The following ARHGEF38 variants were observed in gnomAD, a reference collection of about 807,000 sequenced individuals.
The protein encoded by ARHGEF38 is Rho guanine nucleotide exchange factor 38, also known as Rho guanine nucleotide exchange factor (GEF) 38.
Under a neutral mutation model 79.9 loss-of-function variants are expected in ARHGEF38, and 79 were observed. The ratio of observed to expected loss-of-function variants is 0.99; its 90% confidence interval spans 0.82 to 1.19. The LOEUF is 1.19. Ranked by LOEUF, ARHGEF38 falls within the 50% of genes most tolerant of loss-of-function variation. The pLI is 0.00. For missense variants in ARHGEF38, 962 were observed against 907.2 expected, an observed-to-expected ratio of 1.06 and a Z score of -0.78; for synonymous variants, 366 against 328.3, an observed-to-expected ratio of 1.11 and a Z score of -1.24.
chr4:105,598,482 C>A (rs1453380648), intron 2 of ARHGEF38, among the ~76,000 whole-genome samples: 1 of 152,140 alleles, frequency 6.6e-6, no homozygotes, highest in African/African-American at 2.4e-5. Flanking sequence ...AATATACCTG[C>A]CTTTCTCATT....
intron 1 of ARHGEF38, chr4:105,561,504 A>AGAATG (rs1725611592): frequency 9.0e-6 from 1 of 111,300 alleles, no homozygotes; most frequent in Admixed American, 9.1e-5. Context: ...AGAATAGAAT[A>AGAATG]GAATAGAATA....
intron 13 of ARHGEF38, among the ~76,000 whole-genome samples, chr4:105,672,665 G>T (rs1730993927): frequency 1.3e-5 from 2 of 152,172 alleles, no homozygotes; most frequent in Admixed American, 6.5e-5. Flanking sequence ...AGGGGCTGTT[G>T]TCAGGAGTCC....
intron 2 of ARHGEF38, among the ~76,000 whole-genome samples, chr4:105,595,394 C>A (rs1197476883): frequency 1.3e-5 from 2 of 151,868 alleles, no homozygotes; most frequent in Non-Finnish European, 2.9e-5. Context: ...TTTGTATTGA[C>A]AGGAATTCAG....
chr4:105,576,534 C>G (rs985719050), intron 1 of ARHGEF38, among the ~76,000 whole-genome samples: 2 of 151,828 alleles, frequency 1.3e-5, no homozygotes, highest in East Asian at 1.9e-4. Flanking sequence ...TAACCTGAGA[C>G]TTTACTGAAT....
chr4:105,599,558 T>A (rs1016477115), intron 2 of ARHGEF38, among the ~76,000 whole-genome samples: 1 of 152,162 alleles, frequency 6.6e-6, no homozygotes, highest in East Asian at 1.9e-4. Context: ...TTTTTGTGCA[T>A]GTGTAGAATA....
chr4:105,586,389 A>C (rs1727050674), intron 1 of ARHGEF38, among the ~76,000 whole-genome samples: 2 of 151,966 alleles, frequency 1.3e-5, no homozygotes, highest in Non-Finnish European at 2.9e-5. Context: ...CACCTGAGGG[A>C]GAAGTTGAGT....
At chr4:105,639,961 T>C (rs531014043) in intron 5 of ARHGEF38, among the ~76,000 whole-genome samples, 2 of 152,174 alleles carry the variant, frequency 1.3e-5, no homozygotes, top group South Asian at 4.1e-4. Flanking sequence ...TCCCCTCTTC[T>C]CCTGCCAGCC....
At chr4:105,658,932 A>G (rs1436163063) in intron 9 of ARHGEF38, 122 bp from the exon 10 acceptor site, 4 of 778,868 alleles carry the variant, frequency 5.1e-6, no homozygotes, top group Non-Finnish European at 8.0e-6. Flanking sequence ...TAATCTGGGT[A>G]GGTGCTTTCC....
intron 2 of ARHGEF38, among the ~76,000 whole-genome samples, chr4:105,593,085 C>T (rs975573963): frequency 2.6e-5 from 4 of 151,966 alleles, no homozygotes; most frequent in Non-Finnish European, 5.9e-5. Context: ...TTGTTTTCCT[C>T]GATCCTAAAG....
Position 105,618,027 on chromosome 4 carries a change from A to G in ARHGEF38, c.508+4520A>G, listed in dbSNP as rs891153702. 6.6e-5 allele frequency among the ~76,000 whole-genome samples: 10 copies of G among 152,284 alleles called. No individual in the cohort carries two copies. The East Asian group carries it at 1.9e-3, about 29-fold the overall frequency. On this transcript the variant is annotated intron_variant, in intron 3 of 13. Transcript: ENST00000420470. Reference sequence around the variant, plus strand: ...TTATTTTGAAAAAAAGAGAGAGAGAATGAAAGAAAACAATTCAAATGGAAG... The same window carrying G: ...TTATTTTGAAAAAAAGAGAGAGAGAGTGAAAGAAAACAATTCAAATGGAAG...
intron 1 of ARHGEF38, among the ~76,000 whole-genome samples, chr4:105,565,211 G>A (rs1472623477): frequency 1.3e-5 from 2 of 152,140 alleles, no homozygotes; most frequent in African/African-American, 2.4e-5. Context: ...CCCAGTATTT[G>A]AGCTTTCAAA....
chr4:105,571,757 T>C (rs1219133498), intron 1 of ARHGEF38, among the ~76,000 whole-genome samples: 2 of 152,206 alleles, frequency 1.3e-5, no homozygotes, highest in African/African-American at 4.8e-5. Context: ...CCTTTTCGAA[T>C]TGGCAGATGA....
chr4:105,676,424 TC>T (rs144606538), intron 13 of ARHGEF38, among the ~76,000 whole-genome samples: 7,168 of 152,342 alleles, frequency 0.047, 230 homozygotes, highest in Non-Finnish European at 0.073. Flanking sequence ...ACTGGCATTT[TC>T]TTTTCCTAGC....
chr4:105,645,039 C>G, intron 5 of ARHGEF38, 149 bp from the exon 6 acceptor site: 1 of 660,120 alleles, frequency 1.5e-6, no homozygotes, highest in Non-Finnish European at 2.3e-6. Flanking sequence ...TTTCTGTCGT[C>G]TTTTGCTCTT....
chr4:105,620,614 AT>A (rs1728700036), intron 3 of ARHGEF38, among the ~76,000 whole-genome samples: 1 of 152,170 alleles, frequency 6.6e-6, no homozygotes, highest in Non-Finnish European at 1.5e-5. Context: ...AACAAGTCAG[AT>A]TTGCTGGATG....
At chr4:105,572,249 T>C (rs1726275162) in intron 1 of ARHGEF38, among the ~76,000 whole-genome samples, 1 of 152,212 alleles carries the variant, frequency 6.6e-6, no homozygotes, top group Non-Finnish European at 1.5e-5. Flanking sequence ...TTCTTTTTTT[T>C]CCAATGACTA....
chr4:105,588,027 T>G (rs1422739910), intron 1 of ARHGEF38, among the ~76,000 whole-genome samples: 1 of 152,150 alleles, frequency 6.6e-6, no homozygotes, highest in East Asian at 1.9e-4. Flanking sequence ...GAGAGAGAGC[T>G]CATTACTTTT....
chr4:105,572,029 T>C (rs1273950792), intron 1 of ARHGEF38, among the ~76,000 whole-genome samples: 1 of 152,232 alleles, frequency 6.6e-6, no homozygotes, highest in East Asian at 1.9e-4. Context: ...ATCAGTATAA[T>C]GTTTGGAACA....
intron 13 of ARHGEF38, among the ~76,000 whole-genome samples, chr4:105,676,081 C>A (rs1390544492): frequency 6.6e-6 from 1 of 152,186 alleles, no homozygotes; most frequent in East Asian, 1.9e-4. Context: ...AGTTAAATAA[C>A]AGTTTAATAT....
Sources: allele counts gnomAD v4.1 joint callset (sites outside exome capture counted in the v4.1 genomes callset), GRCh38; gene constraint gnomAD v4.1.1; transcripts MANE v1.5; gene names NCBI Gene and HGNC (gene_info 2026-07-23, HGNC 2026-07-21).